Variants in UVRAG observed in about 807,000 individuals in gnomAD.
UVRAG encodes UV radiation resistance associated.
Under a neutral mutation model 78.0 loss-of-function variants are expected in UVRAG, and 19 were observed. The ratio of observed to expected loss-of-function variants is 0.24; its 90% CI spans 0.17 to 0.36. The LOEUF (loss-of-function observed/expected upper bound fraction) is 0.36. UVRAG is among the 10% of genes least tolerant of loss of function. The probability of loss-of-function intolerance (pLI) is 1.00; values close to 1 mark genes in which losing one functional copy is unlikely to be tolerated. For missense variants in UVRAG, 740 were observed against 853.8 expected (o/e 0.87, Z 1.66); for synonymous variants, 323 against 324.6 (o/e 1.00, Z 0.05).
Position 76,141,622 on chromosome 11 carries a change from G to A in UVRAG, c.*209G>A, listed in dbSNP as rs1591280471. 4 of 596,516 alleles carry A rather than the reference G, an allele frequency of 6.7e-6. No individual in the cohort carries two copies. The highest frequency in any genetic ancestry group is 5.9e-5 in the East Asian group (2 of 34,028). The allele number at this position is 596,516 out of a possible 1,614,324, so 37.0% of individuals were successfully genotyped here. On this transcript the variant is annotated 3_prime_UTR_variant, in exon 15 of 15. Coordinates refer to ENST00000356136, the MANE Select transcript of UVRAG (RefSeq NM_003369.4). Reference sequence around the variant, plus strand: ...ATTTTGCTTTCAAGATTTGCTTTTCGGGCCTGATGATTTTAAAGCAAAAAT... The same window carrying A: ...ATTTTGCTTTCAAGATTTGCTTTTCAGGCCTGATGATTTTAAAGCAAAAAT...
intron 6 of UVRAG, among the ~76,000 whole-genome samples, chr11:75,927,231 G>A (rs1405262411): frequency 2.6e-5 from 4 of 152,060 alleles, no homozygotes; most frequent in South Asian, 2.1e-4. Context: ...CACTACGCCC[G>A]TCTAATTTTT....
chr11:75,927,152 C>A (rs1159196216), intron 6 of UVRAG, among the ~76,000 whole-genome samples: 1 of 151,788 alleles, frequency 6.6e-6, no homozygotes, highest in Non-Finnish European at 1.5e-5. Context: ...TCACTGCAAC[C>A]TCCGCCTCCC....
Position 76,120,548 on chromosome 11 carries a change from T to C in UVRAG, c.1397+4533T>C, listed in dbSNP as rs145849127. Among the ~76,000 whole-genome samples, 9 of 152,330 alleles carry C rather than the reference T, an allele frequency of 5.9e-5. No homozygotes were observed. In the East Asian group the frequency reaches 1.7e-3, roughly 29 times the overall value. The stretch of plus-strand genomic sequence containing the variant: ...AAGTAGAATCTAGGTGTCCTGGCAC[T>C]GTTGCAGCAAACCCATTAAGCTCCA... On this transcript the variant is annotated intron_variant, in intron 14 of 14. Transcript: ENST00000356136.
At chr11:75,931,769 T>C (rs894718999) in intron 6 of UVRAG, among the ~76,000 whole-genome samples, 13 of 152,336 alleles carry the variant, frequency 8.5e-5, no homozygotes, top group African/African-American at 2.9e-4. Flanking sequence ...ACCACATTTA[T>C]AATACCTGCC....
At chr11:75,936,658 A>G (rs774863471) in intron 6 of UVRAG, among the ~76,000 whole-genome samples, 1 of 152,212 alleles carries the variant, frequency 6.6e-6, no homozygotes, top group Non-Finnish European at 1.5e-5. Flanking sequence ...CTGGCATAAT[A>G]TATTACAGGC....
At chr11:76,063,527 G>T (rs531777393) in intron 12 of UVRAG, among the ~76,000 whole-genome samples, 1 of 152,236 alleles carries the variant, frequency 6.6e-6, no homozygotes, top group Non-Finnish European at 1.5e-5. Context: ...TTTATAGAAA[G>T]AGCTACAAGG....
At chr11:76,076,707 G>T (rs1219673759) in intron 13 of UVRAG, among the ~76,000 whole-genome samples, 2 of 152,088 alleles carry the variant, frequency 1.3e-5, no homozygotes, top group Non-Finnish European at 2.9e-5. Flanking sequence ...TAATGATGTT[G>T]AGTGTCATTA....
chr11:76,057,983 G>T (rs568361777), intron 12 of UVRAG, among the ~76,000 whole-genome samples: 7 of 151,988 alleles, frequency 4.6e-5, no homozygotes, highest in African/African-American at 1.4e-4. Context: ...TGTTGTTGTT[G>T]TTTTGTTAAT....
chr11:75,821,453 CA>C (rs989334878), intron 1 of UVRAG, among the ~76,000 whole-genome samples: 1 of 152,096 alleles, frequency 6.6e-6, no homozygotes, highest in Non-Finnish European at 1.5e-5. Flanking sequence ...GTGATCCTCC[CA>C]CCTCAGCACC....
chr11:75,889,890 A>G (rs142166372), intron 5 of UVRAG, among the ~76,000 whole-genome samples: 3 of 152,358 alleles, frequency 2.0e-5, no homozygotes, highest in Admixed American at 2.0e-4. Flanking sequence ...AACCTATTCT[A>G]AGGGCTCAAG....
At chr11:75,910,035 T>G (rs945203624) in intron 5 of UVRAG, among the ~76,000 whole-genome samples, 10 of 152,196 alleles carry the variant, frequency 6.6e-5, no homozygotes, top group African/African-American at 1.9e-4. Flanking sequence ...TGTGTGTGTG[T>G]GGGAAGATTT....
intron 3 of UVRAG, among the ~76,000 whole-genome samples, chr11:75,869,117 C>T (rs961002450): frequency 2.0e-5 from 3 of 152,134 alleles, no homozygotes; most frequent in East Asian, 1.9e-4. Context: ...TAGGTCACAC[C>T]GCTAATAACT....
At chr11:76,039,756 T>C (rs185923295) in intron 12 of UVRAG, among the ~76,000 whole-genome samples, 5 of 152,248 alleles carry the variant, frequency 3.3e-5, no homozygotes, top group Admixed American at 3.3e-4. Flanking sequence ...GCACCTGTAG[T>C]CCCAGCTACT....
intron 13 of UVRAG, among the ~76,000 whole-genome samples, chr11:76,082,488 G>A (rs937222043): frequency 3.4e-5 from 5 of 145,686 alleles, no homozygotes; most frequent in African/African-American, 5.2e-5. Context: ...TGCAGTGAGC[G>A]GAGATGGCAC....
intron 14 of UVRAG, among the ~76,000 whole-genome samples, chr11:76,125,250 C>T (rs1449447497): frequency 1.3e-5 from 2 of 152,158 alleles, no homozygotes; most frequent in African/African-American, 4.8e-5. Context: ...GGCCGGCACC[C>T]CTAATATGAA....
At chr11:75,999,542 G>A (rs570400600) in intron 8 of UVRAG, among the ~76,000 whole-genome samples, 24 of 151,650 alleles carry the variant, frequency 1.6e-4, no homozygotes, top group Admixed American at 4.6e-4. Flanking sequence ...CACCACACCC[G>A]GCTAATTTTT....
At chr11:76,123,965 C>T (rs111644683) in intron 14 of UVRAG, among the ~76,000 whole-genome samples, 2,335 of 152,018 alleles carry the variant, frequency 0.015, 61 homozygotes, top group African/African-American at 0.053. Context: ...AGGGTTTCAC[C>T]ATGTTGGCCA....
intron 13 of UVRAG, among the ~76,000 whole-genome samples, chr11:76,071,833 T>A (rs1951316045): frequency 6.6e-6 from 1 of 152,152 alleles, no homozygotes; most frequent in Non-Finnish European, 1.5e-5. Context: ...TCCTAGGTTT[T>A]GTGTATGAGC....
At chr11:76,117,520 G>A (rs1261071586) in intron 14 of UVRAG, among the ~76,000 whole-genome samples, 1 of 152,194 alleles carries the variant, frequency 6.6e-6, no homozygotes, top group East Asian at 1.9e-4. Flanking sequence ...TAAAAGTGTT[G>A]TTGAGATTTG....
Sources: allele counts gnomAD v4.1 joint callset (sites outside exome capture counted in the v4.1 genomes callset), GRCh38; gene constraint gnomAD v4.1.1; transcripts MANE v1.5; gene names NCBI Gene and HGNC (gene_info 2026-07-23, HGNC 2026-07-21).